BICD1: variants seen among roughly 807,000 people sequenced by gnomAD.
BICD1 encodes BICD cargo adaptor 1, also known as protein bicaudal D homolog 1.
A neutral mutation model predicts 92.5 loss-of-function variants in BICD1; 35 were observed. That is an observed-to-expected ratio of 0.38 (90% CI 0.29 to 0.50). The LOEUF (loss-of-function observed/expected upper bound fraction) is 0.50. BICD1 is among the 20% of genes least tolerant of loss of function. BICD1 has a pLI of 0.93. For synonymous variants in BICD1, 429 were observed against 465.1 expected, an observed-to-expected ratio of 0.92 and a Z score of 1.00; for missense variants, 950 against 1,189.8, an observed-to-expected ratio of 0.80 and a Z score of 2.97.
rs560229644 is a variant in BICD1, at chr12:32,326,040, G to A, written c.1006-1421G>A. On this transcript the variant is annotated intron_variant, in intron 4 of 9. Transcript: ENST00000652176. ...AGAGCTTGCAGTGAGCCGAGATCGCGCCACTGCACTCCAGCCTGGGAGAGA... is the reference window on the plus strand; with the variant it reads ...AGAGCTTGCAGTGAGCCGAGATCGCACCACTGCACTCCAGCCTGGGAGAGA... Among the ~76,000 whole-genome samples the A allele has an allele frequency of 8.8e-3, 1,065 of 120,890 alleles. 16 individuals are homozygous for A. Among genetic ancestry groups the A allele is most frequent in the African/African-American group, 0.032 (999 of 31,030 alleles). The allele number at this position is 120,890 out of a possible 152,430, so 79.3% of individuals were successfully genotyped here.
chr12:32,317,517 GTC>G lies in BICD1; in HGVS notation c.1006-9942_1006-9941del, dbSNP rs199826660. On this transcript the variant is annotated intron_variant, in intron 4 of 9. Coordinates refer to ENST00000652176, the MANE Select transcript of BICD1 (RefSeq NM_001714.4). ...GCATAAATGTCTTCTTTTGAGAAGT[GTC>G]TGTTCATATCCTGCACCCACTTTTT... Among the ~76,000 whole-genome samples the G allele has an allele frequency of 7.4e-4, 112 of 152,296 alleles. 1 individual carries two copies. The East Asian group carries it at 0.017, about 24-fold the overall frequency.
rs538337307 is a variant in BICD1, at chr12:32,316,027, T to G, written c.1005+9905T>G. Among the ~76,000 whole-genome samples, 7 of 151,612 alleles carry G rather than the reference T, an allele frequency of 4.6e-5. 1 individual carries two copies. The South Asian group carries it at 1.3e-3, about 27-fold the overall frequency. On this transcript the variant is annotated intron_variant, in intron 4 of 9. Transcript: ENST00000652176. ...GGTGTGCGCCTGTAATCCCAGCTAC[T>G]TGGGAGGCTGAGGCAGGAGAATTGC...
intron 2 of BICD1, among the ~76,000 whole-genome samples, chr12:32,252,587 A>T (rs1294614352): frequency 1.3e-5 from 2 of 152,042 alleles, no homozygotes; most frequent in African/African-American, 2.4e-5. Context: ...TCATAAGAGG[A>T]GGTTAAGCTA....
rs550068327 is a variant in BICD1 at position 32,125,014 on chromosome 12, G to A, written c.213+17470G>A. On this transcript the variant is annotated intron_variant, in intron 1 of 9. Coordinates refer to ENST00000652176, the MANE Select transcript of BICD1 (RefSeq NM_001714.4). ...GTCTGGGAGGATCTGCTGCTCCCAT[G>A]CCCTCCTTTGTATATTTTAAATCTG... Among the ~76,000 whole-genome samples the A allele has an allele frequency of 9.2e-5, 14 of 152,278 alleles. 1 individual carries two copies. The East Asian group carries it at 2.7e-3, about 29-fold the overall frequency.
At chr12:32,374,536 T>G (rs1440364360) in intron 9 of BICD1, among the ~76,000 whole-genome samples, 1 of 150,878 alleles carries the variant, frequency 6.6e-6, no homozygotes, top group African/African-American at 2.4e-5. Context: ...CCATACATTA[T>G]TTTCTGTTTT....
intron 8 of BICD1, among the ~76,000 whole-genome samples, chr12:32,366,841 T>TA (rs1939542144): frequency 6.6e-6 from 1 of 152,242 alleles, no homozygotes; most frequent in Admixed American, 6.5e-5. Context: ...TGCATGATTC[T>TA]AATATAGTCA....
chr12:32,234,653 A>G (rs1300801264), intron 2 of BICD1, among the ~76,000 whole-genome samples: 1 of 144,280 alleles, frequency 6.9e-6, no homozygotes, highest in Non-Finnish European at 1.5e-5. Context: ...ATAACTAAAC[A>G]CCACTTTTTT....
In BICD1 at chr12:32,166,134, A is replaced by ATTTATTTATTTATTT. The variant is rs1160305491; in HGVS notation, c.214-50109_214-50095dup. 6.9e-4 allele frequency among the ~76,000 whole-genome samples: 22 copies of ATTTATTTATTTATTT among 31,822 alleles called. No homozygotes were observed. The East Asian group carries it at 0.018, about 25-fold the overall frequency. 20.9% of individuals were successfully genotyped at this position (31,822 alleles called of 152,430 possible). A position where few individuals can be genotyped will look rare whatever the true frequency, so the allele number is the denominator to read the frequency against. On this transcript the variant is annotated intron_variant, in intron 1 of 9. Coordinates refer to ENST00000652176, the MANE Select transcript of BICD1 (RefSeq NM_001714.4). ...TATTTATTTATTTATTTATTTATTT[A>ATTTATTTATTTATTT]TTTATTTATTTATTTTTTGGAGCCA...
rs764560534 is a variant in BICD1, at chr12:32,327,840, A to G, written c.1385A>G (p.Tyr462Cys). 19 of 1,614,178 alleles carry G rather than the reference A, an allele frequency of 1.2e-5. No individual in the cohort carries two copies. In the South Asian group the frequency reaches 1.3e-4, roughly 11 times the overall value. ...AAGTATGAGAGTAAAATCCAGATGT[A>G]TGATGAGCAGGTGACAAGCCTTGAG... ...KAKYESKIQM[Y>C]DEQVTSLEKT... The change falls in exon 5 of 10, where the codon TAT becomes TGT. Residue 462 changes from tyrosine (Y) to cysteine (C), a missense_variant. Transcript: ENST00000652176.
intron 1 of BICD1, among the ~76,000 whole-genome samples, chr12:32,204,295 A>T (rs1944987295): frequency 6.6e-6 from 1 of 150,560 alleles, no homozygotes; most frequent in Non-Finnish European, 1.5e-5. Context: ...GGTTGCAATG[A>T]GCTGTGATCA....
intron 1 of BICD1, among the ~76,000 whole-genome samples, chr12:32,212,540 T>G (rs1429265236): frequency 6.6e-6 from 1 of 152,202 alleles, no homozygotes; most frequent in Non-Finnish European, 1.5e-5. Context: ...TTCTCCTGCC[T>G]CAGCCACCCA....
intron 2 of BICD1, among the ~76,000 whole-genome samples, chr12:32,243,990 CG>C (rs1407140726): frequency 1.3e-5 from 2 of 151,606 alleles, no homozygotes; most frequent in Non-Finnish European, 2.9e-5. Flanking sequence ...CATTCTTATC[CG>C]TATTAATTAT....
intron 3 of BICD1, among the ~76,000 whole-genome samples, chr12:32,304,073 CA>C (rs201713099): frequency 0.18 from 25,159 of 139,968 alleles, 2,617 homozygotes; most frequent in African/African-American, 0.31. Flanking sequence ...GACTCCGTCT[CA>C]AAAAAAAAAA....
At chr12:32,170,966 A>C (rs1337638654) in intron 1 of BICD1, among the ~76,000 whole-genome samples, 1 of 152,210 alleles carries the variant, frequency 6.6e-6, no homozygotes, top group Non-Finnish European at 1.5e-5. Context: ...TTGTGACCTG[A>C]CCTTCAAATA....
At chr12:32,266,556 G>C (rs898375886) in intron 2 of BICD1, among the ~76,000 whole-genome samples, 1 of 152,076 alleles carries the variant, frequency 6.6e-6, no homozygotes, top group African/African-American at 2.4e-5. Flanking sequence ...CAAAATGCAT[G>C]GTCTCAAATG....
chr12:32,129,649 C>T (rs1942467806), intron 1 of BICD1, among the ~76,000 whole-genome samples: 1 of 151,914 alleles, frequency 6.6e-6, no homozygotes, highest in Non-Finnish European at 1.5e-5. Context: ...GGATTATAGA[C>T]ATGAGCCACC....
chr12:32,226,779 G>A (rs1945709327), intron 2 of BICD1, among the ~76,000 whole-genome samples: 1 of 152,228 alleles, frequency 6.6e-6, no homozygotes, highest in Non-Finnish European at 1.5e-5. Flanking sequence ...AAAAGCCATA[G>A]GAAAGAAATC....
intron 1 of BICD1, among the ~76,000 whole-genome samples, chr12:32,177,376 C>G (rs1333364143): frequency 6.8e-6 from 1 of 148,084 alleles, no homozygotes; most frequent in East Asian, 1.9e-4. Flanking sequence ...AATTATTATA[C>G]AATTTGCTGA....
chr12:32,216,393 G>A lies in BICD1; in HGVS notation c.360G>A (p.Arg120=). The change falls in exon 2 of 10, where the codon CGG becomes CGA. Residue 120 remains arginine, a synonymous_variant. Transcript: ENST00000652176. The stretch of plus-strand genomic sequence containing the variant: ...TGCAGAACGAGCTGAAACAGAGCCG[G>A]GCTGTGGTCACTAATGTACAGGCAG... ...LEMQNELKQS[R]AVVTNVQAEN... is the part of the protein sequence containing the mutation. 1 of 1,614,120 alleles carries A rather than the reference G, an allele frequency of 6.2e-7. No homozygotes were observed. Among genetic ancestry groups the A allele is most frequent in the East Asian group, 2.2e-5 (1 of 44,880 alleles).
Sources: allele counts gnomAD v4.1 joint callset (sites outside exome capture counted in the v4.1 genomes callset), GRCh38; gene constraint gnomAD v4.1.1; transcripts MANE v1.5; gene names NCBI Gene and HGNC (gene_info 2026-07-23, HGNC 2026-07-21).